Variants in SDK1 observed in about 807,000 individuals in gnomAD.
SDK1 encodes the protein sidekick cell adhesion molecule 1, also known as protein sidekick-1.
A neutral mutation model predicts 245.5 loss-of-function variants in SDK1; 157 were observed. The observed-to-expected ratio is 0.64, with a 90% CI of 0.56 to 0.73. The LOEUF is 0.73. Among genes scored for constraint, SDK1 ranks in the 30% least tolerant of loss-of-function variants. SDK1 has a pLI of 0.00. For missense variants in SDK1, 3,583 were observed against 3,002.3 expected (o/e 1.19, Z -4.52); for synonymous variants, 1,647 against 1,278.5 (o/e 1.29, Z -6.15).
intron 1 of SDK1, among the ~76,000 whole-genome samples, chr7:3,439,106 G>T (rs1780118817): frequency 6.6e-6 from 1 of 152,088 alleles, no homozygotes; most frequent in African/African-American, 2.4e-5. Context: ...GCCTGCCTCA[G>T]CCTCCCAAAG....
chr7:4,194,651 T>C (rs1467919791), intron 35 of SDK1, among the ~76,000 whole-genome samples: 2 of 152,144 alleles, frequency 1.3e-5, no homozygotes, highest in East Asian at 1.9e-4. Context: ...GAGAAGGATG[T>C]AGGCTGGGAG....
intron 1 of SDK1, among the ~76,000 whole-genome samples, chr7:3,588,576 T>C (rs775356466): frequency 1.3e-5 from 2 of 152,188 alleles, no homozygotes; most frequent in African/African-American, 4.8e-5. Flanking sequence ...AGATTCATTG[T>C]TGAGGTGATG....
chr7:3,990,295 T>A (rs1317629229), intron 14 of SDK1, among the ~76,000 whole-genome samples: 1 of 152,184 alleles, frequency 6.6e-6, no homozygotes, highest in African/African-American at 2.4e-5. Flanking sequence ...CAGGGGCATC[T>A]CTGAGGCCGG....
In SDK1 at chr7:4,041,757, G is replaced by T. The variant is rs758643654; in HGVS notation, c.2603-7591G>T. 9.5e-5 allele frequency among the ~76,000 whole-genome samples: 13 copies of T among 136,324 alleles called. 3 individuals carry two copies. The highest frequency in any genetic ancestry group is 3.4e-4 in the Admixed American group (5 of 14,598). 89.4% of individuals were successfully genotyped at this position (136,324 alleles called of 152,430 possible). A position where few individuals can be genotyped will look rare whatever the true frequency, so the allele number is the denominator to read the frequency against. On this transcript the variant is annotated intron_variant, in intron 17 of 44. Transcript: ENST00000404826. The stretch of plus-strand genomic sequence containing the variant: ...GAGGAATGTTTAATGCATGCGTGTC[G>T]TGAAAACACAGCATATATATAGTGA...
At chr7:4,111,851 A>G (rs183784447) in intron 23 of SDK1, among the ~76,000 whole-genome samples, 1 of 152,342 alleles carries the variant, frequency 6.6e-6, no homozygotes, top group African/African-American at 2.4e-5. Context: ...TTGTTTATGT[A>G]TGTGTAAAGA....
intron 3 of SDK1, 81 bp from the exon 4 acceptor site, chr7:3,641,877 A>C (rs762174352): frequency 2.1e-5 from 25 of 1,171,154 alleles, no homozygotes; most frequent in Non-Finnish European, 3.0e-5. Flanking sequence ...TTACTGTAAC[A>C]CTTACCTGTT....
intron 1 of SDK1, among the ~76,000 whole-genome samples, chr7:3,329,691 A>G (rs930802340): frequency 3.3e-5 from 5 of 152,200 alleles, no homozygotes; most frequent in Non-Finnish European, 7.4e-5. Flanking sequence ...ATTTTGTGGT[A>G]TGTATTACTA....
intron 1 of SDK1, among the ~76,000 whole-genome samples, chr7:3,549,412 T>C (rs1387312868): frequency 1.3e-5 from 2 of 152,212 alleles, no homozygotes; most frequent in Non-Finnish European, 2.9e-5. Context: ...TAGAATTCTT[T>C]GTGAGTTGCT....
intron 4 of SDK1, among the ~76,000 whole-genome samples, chr7:3,800,350 TTTAC>T (rs1192541356): frequency 2.1e-3 from 311 of 151,598 alleles, no homozygotes; most frequent in East Asian, 5.2e-3. Context: ...ATCGCCATCT[TTTAC>T]TTACTTACTT....
chr7:3,854,516 TAGGGTCAC>T, intron 5 of SDK1, among the ~76,000 whole-genome samples: 1 of 152,298 alleles, frequency 6.6e-6, no homozygotes, highest in East Asian at 1.9e-4. Flanking sequence ...CTGATTAGTA[TAGGGTCAC>T]AGAGCAACCA....
intron 1 of SDK1, among the ~76,000 whole-genome samples, chr7:3,416,617 C>A (rs937808582): frequency 6.6e-6 from 1 of 152,070 alleles, no homozygotes; most frequent in Non-Finnish European, 1.5e-5. Context: ...TCTTCTAGTC[C>A]AGCCTTTGCC....
At chr7:3,407,282 C>T (rs553324599) in intron 1 of SDK1, among the ~76,000 whole-genome samples, 2 of 152,292 alleles carry the variant, frequency 1.3e-5, no homozygotes, top group East Asian at 1.9e-4. Context: ...TTGCTCATAG[C>T]CATTACCCAA....
At chr7:3,559,770 A>C (rs1047235471) in intron 1 of SDK1, among the ~76,000 whole-genome samples, 2 of 152,024 alleles carry the variant, frequency 1.3e-5, no homozygotes, top group Non-Finnish European at 2.9e-5. Context: ...AAAAAAAAAA[A>C]AAACACAAAA....
At chr7:3,682,704 C>T (rs1425103128) in intron 4 of SDK1, among the ~76,000 whole-genome samples, 1 of 144,670 alleles carries the variant, frequency 6.9e-6, no homozygotes, top group Non-Finnish European at 1.5e-5. Flanking sequence ...GATCTCAAAT[C>T]AAGCGTTTGG....
At chr7:3,894,511 A>C (rs1583523038) in intron 5 of SDK1, among the ~76,000 whole-genome samples, 1 of 151,342 alleles carries the variant, frequency 6.6e-6, no homozygotes, top group Non-Finnish European at 1.5e-5. Flanking sequence ...GAAGAAGCTC[A>C]CCAGCTGGGT....
At chr7:3,818,370 G>T (rs1462156579) in intron 4 of SDK1, among the ~76,000 whole-genome samples, 1 of 152,104 alleles carries the variant, frequency 6.6e-6, no homozygotes, top group Non-Finnish European at 1.5e-5. Flanking sequence ...TACTCAGCAT[G>T]CCCCTGTGTT....
intron 14 of SDK1, among the ~76,000 whole-genome samples, chr7:4,005,711 A>T (rs988425259): frequency 6.6e-6 from 1 of 152,144 alleles, no homozygotes; most frequent in Non-Finnish European, 1.5e-5. Context: ...ATGTATTAAT[A>T]ATATGATGAT....
intron 13 of SDK1, among the ~76,000 whole-genome samples, chr7:3,975,519 A>G (rs1388397153): frequency 6.6e-6 from 1 of 152,244 alleles, no homozygotes; most frequent in East Asian, 1.9e-4. Context: ...GCCGTGACTC[A>G]TTGATCCCTG....
intron 35 of SDK1, among the ~76,000 whole-genome samples, chr7:4,189,026 A>G (rs1783044185): frequency 6.6e-6 from 1 of 150,796 alleles, no homozygotes; most frequent in African/African-American, 2.5e-5. Flanking sequence ...CAGCCATTCT[A>G]TGAATTTTAC....
Sources: allele counts gnomAD v4.1 joint callset (sites outside exome capture counted in the v4.1 genomes callset), GRCh38; gene constraint gnomAD v4.1.1; transcripts MANE v1.5; gene names NCBI Gene and HGNC (gene_info 2026-07-23, HGNC 2026-07-21).